DPP10: variants seen among roughly 807,000 people sequenced by gnomAD.
DPP10 encodes the protein inactive dipeptidyl peptidase 10.
DPP10 carries 33 observed loss-of-function variants against 120.9 expected under a neutral mutation model. The ratio of observed to expected loss-of-function variants is 0.27; its 90% CI spans 0.21 to 0.37. The LOEUF is 0.37. Ranked by LOEUF, DPP10 falls within the 10% of genes least tolerant of loss-of-function variation. The pLI is 1.00. For synonymous variants in DPP10, 337 were observed against 326.1 expected (o/e 1.03, Z -0.36); for missense variants, 816 against 942.8 (o/e 0.87, Z 1.76).
At chr2:115,549,054 C>T (rs2079702437) in intron 5 of DPP10, among the ~76,000 whole-genome samples, 1 of 152,134 alleles carries the variant, frequency 6.6e-6, no homozygotes, top group Admixed American at 6.6e-5. Flanking sequence ...ACTGCAAATA[C>T]TTAATCAGGC....
At chr2:115,404,683 C>A (rs1473337548) in intron 3 of DPP10, among the ~76,000 whole-genome samples, 1 of 151,844 alleles carries the variant, frequency 6.6e-6, no homozygotes, top group Non-Finnish European at 1.5e-5. Flanking sequence ...GAAAGTGCAA[C>A]ATTGGGAAGC....
intron 1 of DPP10, among the ~76,000 whole-genome samples, chr2:114,681,612 G>T (rs1205879472): frequency 6.6e-6 from 1 of 151,882 alleles, no homozygotes; most frequent in Non-Finnish European, 1.5e-5. Flanking sequence ...CTCTATGTGG[G>T]CTGACTTTAT....
At chr2:114,462,144 A>C in intron 1 of DPP10, 1 of 985,270 alleles carries the variant, frequency 1.0e-6, no homozygotes, top group Non-Finnish European at 1.2e-6. Context: ...ACACCAGGTA[A>C]TTTTCTTTAT....
chr2:115,427,241 A>T (rs1420849188), intron 3 of DPP10, among the ~76,000 whole-genome samples: 29 of 152,146 alleles, frequency 1.9e-4, no homozygotes, highest in Admixed American at 1.9e-3. Context: ...CTCCCTTCCC[A>T]CAGCTCCACT....
At chr2:114,668,805 T>C (rs2105613145) in intron 1 of DPP10, among the ~76,000 whole-genome samples, 1 of 152,318 alleles carries the variant, frequency 6.6e-6, no homozygotes, top group Middle Eastern at 3.4e-3. Flanking sequence ...CTCTATTCTC[T>C]GATAGGAGAC....
chr2:114,730,590 C>T (rs779754694), intron 1 of DPP10, among the ~76,000 whole-genome samples: 62 of 151,590 alleles, frequency 4.1e-4, no homozygotes, highest in Non-Finnish European at 8.1e-4. Context: ...TTGTTTGGTT[C>T]GTTGTTTGTT....
chr2:114,845,826 G>T (rs998192889), intron 1 of DPP10, among the ~76,000 whole-genome samples: 3 of 152,108 alleles, frequency 2.0e-5, no homozygotes, highest in Non-Finnish European at 4.4e-5. Flanking sequence ...CTCTCTTGTG[G>T]CTGGGCAAAT....
chr2:114,652,730 C>G (rs912245565), intron 1 of DPP10, among the ~76,000 whole-genome samples: 1 of 152,154 alleles, frequency 6.6e-6, no homozygotes, highest in Non-Finnish European at 1.5e-5. Flanking sequence ...ATCCATTTCT[C>G]TAAAGTAAAC....
chr2:115,350,662 G>A (rs1405838312), intron 3 of DPP10, among the ~76,000 whole-genome samples: 2 of 152,036 alleles, frequency 1.3e-5, no homozygotes, highest in African/African-American at 2.4e-5. Context: ...TCTTAGCACA[G>A]CAATGACTAT....
intron 5 of DPP10, among the ~76,000 whole-genome samples, chr2:115,545,062 A>C (rs2079416441): frequency 6.6e-6 from 1 of 152,016 alleles, no homozygotes; most frequent in Admixed American, 6.6e-5. Flanking sequence ...TGAGGCCCAA[A>C]AAAGTCAAGT....
chr2:114,443,084 A>G (rs566994803), intron 1 of DPP10, among the ~76,000 whole-genome samples: 1 of 151,866 alleles, frequency 6.6e-6, no homozygotes, highest in African/African-American at 2.4e-5. Flanking sequence ...TATCAGAGGT[A>G]TATTTCCAGA....
At chr2:114,821,741 A>G (rs1047081266) in intron 1 of DPP10, among the ~76,000 whole-genome samples, 2 of 152,172 alleles carry the variant, frequency 1.3e-5, no homozygotes, top group Non-Finnish European at 2.9e-5. Flanking sequence ...AGGGGCTACA[A>G]GCTCCATGCA....
chr2:114,684,932 A>T (rs1573963190), intron 1 of DPP10, among the ~76,000 whole-genome samples: 1 of 152,000 alleles, frequency 6.6e-6, no homozygotes. Flanking sequence ...GCTGCGGCTG[A>T]TTGTGATTGA....
intron 5 of DPP10, among the ~76,000 whole-genome samples, chr2:115,591,878 G>C (rs2082685428): frequency 6.6e-6 from 1 of 152,156 alleles, no homozygotes; most frequent in Non-Finnish European, 1.5e-5. Context: ...CACATCCCTT[G>C]TAAGTTGGAT....
At chr2:115,805,560 G>A (rs1192945048) in intron 19 of DPP10, among the ~76,000 whole-genome samples, 1 of 149,238 alleles carries the variant, frequency 6.7e-6, no homozygotes, top group Non-Finnish European at 1.5e-5. Context: ...TTCCTATTCG[G>A]CCATCTTGGC....
intron 2 of DPP10, among the ~76,000 whole-genome samples, chr2:115,317,645 T>TTC (rs2061859824): frequency 6.6e-6 from 1 of 151,952 alleles, no homozygotes; most frequent in Non-Finnish European, 1.5e-5. Context: ...TTTTTTTTTT[T>TTC]TCAATTATGG....
intron 1 of DPP10, among the ~76,000 whole-genome samples, chr2:114,555,951 G>C (rs138269836): frequency 6.5e-4 from 99 of 152,202 alleles, no homozygotes; most frequent in African/African-American, 2.1e-3. Context: ...TGGATGGGAA[G>C]ATAAGAGGTT....
At chr2:115,378,609 G>A (rs2066008859) in intron 3 of DPP10, among the ~76,000 whole-genome samples, 1 of 150,226 alleles carries the variant, frequency 6.7e-6, no homozygotes, top group African/African-American at 2.5e-5. Context: ...AGTGGTGAGA[G>A]AGGACATCCC....
chr2:115,632,786 T>A (rs1280977468), intron 5 of DPP10, among the ~76,000 whole-genome samples: 1 of 152,060 alleles, frequency 6.6e-6, no homozygotes, highest in Non-Finnish European at 1.5e-5. Context: ...GAACAGACAC[T>A]TCTCAAAAGA....
Sources: allele counts gnomAD v4.1 joint callset (sites outside exome capture counted in the v4.1 genomes callset), GRCh38; gene constraint gnomAD v4.1.1; transcripts MANE v1.5; gene names NCBI Gene and HGNC (gene_info 2026-07-23, HGNC 2026-07-21).